Variants in BAZ2A observed in about 807,000 individuals in gnomAD.
BAZ2A encodes the protein bromodomain adjacent to zinc finger domain protein 2A.
BAZ2A carries 34 observed loss-of-function variants against 199.9 expected under a neutral mutation model. The ratio of observed to expected loss-of-function variants is 0.17; its 90% CI spans 0.13 to 0.23. The LOEUF is 0.23. Ranked by LOEUF, BAZ2A falls within the 10% of genes least tolerant of loss-of-function variation. BAZ2A has a pLI of 1.00. For synonymous variants in BAZ2A, 857 were observed against 883.9 expected (o/e 0.97, Z 0.54); for missense variants, 2,002 against 2,391.1 (o/e 0.84, Z 3.39).
intron 3 of BAZ2A, 37 bp from the exon 4 acceptor site, chr12:56,614,175 G>C (rs771846625): frequency 2.5e-6 from 4 of 1,594,288 alleles, no homozygotes; most frequent in Non-Finnish European, 2.6e-6. Flanking sequence ...GTCAAAATCA[G>C]TGCCTTATAT....
In BAZ2A at chr12:56,606,010, C is replaced by A; in HGVS notation, c.2313G>T (p.Lys771Asn). 1.3e-6 allele frequency: 2 copies of A among 1,552,024 alleles called. No homozygotes were observed. The highest frequency in any genetic ancestry group is 1.7e-6 in the Non-Finnish European group (2 of 1,147,092). Residue 771 changes from lysine (K) to asparagine (N), a missense_variant, in exon 13 of 29, where the codon AAG becomes AAT. Physicochemically the swap from Lys to Asn is moderately conservative, Grantham distance 94. Coordinates refer to ENST00000549884, the MANE Select transcript of BAZ2A (RefSeq NM_001300905.2). ...TKQEKLKEKV[K>N]REKKEKVKMK... ...TTTTTACCTTCTCCTTCTTTTCCCT[C>A]TTGACTTTTTCCTTCAGTTTTTCCT...
At chr12:56,617,600 T>C in intron 1 of BAZ2A, 68 bp from the exon 2 acceptor site, 1 of 1,494,420 alleles carries the variant, frequency 6.7e-7, no homozygotes, top group Non-Finnish European at 9.0e-7. Context: ...CCTGGAATCT[T>C]CCAGGGGCAA....
intron 2 of BAZ2A, 91 bp downstream of exon 2, chr12:56,617,304 G>T: frequency 7.8e-7 from 1 of 1,284,392 alleles, no homozygotes; most frequent in Non-Finnish European, 1.0e-6. Flanking sequence ...TTTCTCTCCA[G>T]CAGCAAAGTA....
chr12:56,613,968 T>C lies in BAZ2A; in HGVS notation c.901A>G (p.Asn301Asp). The change falls in exon 4 of 29, where the codon AAC becomes GAC. Residue 301 changes from asparagine (N) to aspartate (D), a missense_variant. Physicochemically the swap from Asn to Asp is conservative, Grantham distance 23. Coordinates refer to ENST00000549884, the MANE Select transcript of BAZ2A (RefSeq NM_001300905.2). ...ILSEDSLEPFNSLAPEPVSGG... is the reference protein window; with the variant it reads ...ILSEDSLEPFDSLAPEPVSGG... ...CCAAACCTACCTGGTGCCAGAGAGT[T>C]GAAGGGCTCCAGAGAGTCTTCACTG... 6.2e-7 allele frequency: 1 copy of C among 1,613,852 alleles called. No individual in the cohort carries two copies. The highest frequency in any genetic ancestry group is 8.5e-7 in the Non-Finnish European group (1 of 1,179,766).
intron 28 of BAZ2A, 23 bp from the exon 29 acceptor site, chr12:56,598,806 T>C (rs1291431549): frequency 6.2e-7 from 1 of 1,610,312 alleles, no homozygotes; most frequent in Non-Finnish European, 8.5e-7. Context: ...GGGGCAAAAC[T>C]GTGAGCTGGG....
At chr12:56,613,830 A>G (rs1290492905) in intron 4 of BAZ2A, 123 bp downstream of exon 4, 1 of 1,051,146 alleles carries the variant, frequency 9.5e-7, no homozygotes, top group African/African-American at 1.6e-5. Context: ...GGTCTGCCTT[A>G]GGCCTACCTG....
At chr12:56,635,022 C>T (rs1951414450), upstream of BAZ2A, 8 of 984,112 alleles carry the variant, frequency 8.1e-6, no homozygotes, top group Non-Finnish European at 9.6e-6. This position sits in a 1 kb window ranked among gnomAD's most constrained non-coding sequence, Gnocchi z 4.1. Context: ...GGCTGCGCCT[C>T]CTCCCCCAGC....
In BAZ2A at chr12:56,597,090, G is replaced by T. The variant is rs903258493; in HGVS notation, c.*1528C>A. 2 of 152,680 alleles carry T rather than the reference G, an allele frequency of 1.3e-5. No homozygotes were observed. The highest frequency in any genetic ancestry group is 4.8e-5 in the African/African-American group (2 of 41,430). The allele number at this position is 152,680 out of a possible 1,614,324, so 9.5% of individuals were successfully genotyped here. On this transcript the variant is annotated 3_prime_UTR_variant, in exon 29 of 29. Coordinates refer to ENST00000549884, the MANE Select transcript of BAZ2A (RefSeq NM_001300905.2). ...GCTCTGCTGAGCAGGAAAAGCAGGGGGCCAAGTGCCCATGGCTATAGCTGG... is the reference window on the plus strand; with the variant it reads ...GCTCTGCTGAGCAGGAAAAGCAGGGTGCCAAGTGCCCATGGCTATAGCTGG...
chr12:56,620,075 G>A (rs1950864893), intron 1 of BAZ2A, among the ~76,000 whole-genome samples: 1 of 151,900 alleles, frequency 6.6e-6, no homozygotes, highest in African/African-American at 2.4e-5. Flanking sequence ...AGTCTAAATA[G>A]GGGTGTCCAA....
intron 19 of BAZ2A, 115 bp from the exon 20 acceptor site, chr12:56,602,307 T>C: frequency 1.1e-6 from 1 of 940,716 alleles, no homozygotes; most frequent in Non-Finnish European, 1.6e-6. Flanking sequence ...CCCCCTTTTT[T>C]GAGATTCCAC....
Position 56,596,269 on chromosome 12 carries a change from T to C in BAZ2A, c.*2349A>G, listed in dbSNP as rs1430583298. The C allele has an allele frequency of 6.5e-6, 1 of 152,680 alleles. No individual in the cohort carries two copies. The highest frequency in any genetic ancestry group is 2.4e-5 in the African/African-American group (1 of 41,450). 9.5% of individuals were successfully genotyped at this position (152,680 alleles called of 1,614,324 possible). On this transcript the variant is annotated 3_prime_UTR_variant, in exon 29 of 29. Transcript: ENST00000549884. ...GGGAAGCAAAAGGGCAGGGGGTGGG[T>C]TGTCTTTTTATTTTAAACCTGCTTT...
At position 56,603,611 on chromosome 12, in the gene BAZ2A, C is replaced by T. The variant is rs1565811858; in HGVS notation, c.3128G>A (p.Arg1043Gln). 4.3e-6 allele frequency: 7 copies of T among 1,613,918 alleles called. No individual in the cohort carries two copies. Among genetic ancestry groups the T allele is most frequent in the Non-Finnish European group, 5.1e-6 (6 of 1,179,918 alleles). The change falls in exon 17 of 29, where the codon CGG becomes CAG. Residue 1043 changes from arginine (R) to glutamine (Q), a missense_variant. This residue lies in a region of BAZ2A where 1,081 missense variants were observed against 1,274.7 expected (regional missense o/e 0.85). Transcript: ENST00000549884. The stretch of plus-strand genomic sequence containing the variant: ...CATGCCACTGGTCTCCTCCATGATC[C>T]GAGAACTGCGCCTCCGTCCCAGGCA... ...EECLGRRRSS[R>Q]IMEETSGMEE...
chr12:56,630,264 G>A lies in BAZ2A; in HGVS notation c.-142C>T. The A allele has an allele frequency of 1.0e-6, 1 of 983,184 alleles. No homozygotes were observed. Among genetic ancestry groups the A allele is most frequent in the Non-Finnish European group, 1.2e-6 (1 of 827,814 alleles). 60.9% of individuals were successfully genotyped at this position (983,184 alleles called of 1,614,324 possible). On this transcript the variant is annotated 5_prime_UTR_variant, in exon 1 of 29. Coordinates refer to ENST00000549884, the MANE Select transcript of BAZ2A (RefSeq NM_001300905.2). ...TCTGGGGTCCGGGGTTCGGGAAGGG[G>A]GAGGGGGACGCGGCTCAACCGCGGG...
At chr12:56,625,983 G>A (rs1451339862) in intron 1 of BAZ2A, among the ~76,000 whole-genome samples, 2 of 151,334 alleles carry the variant, frequency 1.3e-5, no homozygotes, top group African/African-American at 4.9e-5. Flanking sequence ...CATAATAACT[G>A]TTCTCTTTAA....
intron 1 of BAZ2A, among the ~76,000 whole-genome samples, chr12:56,626,488 G>A (rs934215698): frequency 1.3e-5 from 2 of 152,190 alleles, no homozygotes; most frequent in African/African-American, 4.8e-5. Context: ...TGATTCCAGA[G>A]CCGCAAGACT....
At position 56,610,200 on chromosome 12, in the gene BAZ2A, C is replaced by G. The variant is rs369013055; in HGVS notation, c.1795G>C (p.Val599Leu). ...PEVIKYLSRN[V>L]VHSVRREHFS... ...TGCTCTCGGCGGACACTGTGTACCACGTTGCGGCTCAGGTACTAAGAGGAA... is the reference window on the plus strand; with the variant it reads ...TGCTCTCGGCGGACACTGTGTACCAGGTTGCGGCTCAGGTACTAAGAGGAA... The change falls in exon 9 of 29, where the codon GTG (valine) becomes CTG (leucine). Residue 599 changes from valine to leucine, a missense_variant. By Grantham distance (32) the Val-to-Leu change is conservative (BLOSUM62 1). Coordinates refer to ENST00000549884, the MANE Select transcript of BAZ2A (RefSeq NM_001300905.2). 15 of 1,613,786 alleles carry G rather than the reference C, an allele frequency of 9.3e-6. No homozygotes were observed. In the East Asian group the frequency reaches 3.1e-4, roughly 34 times the overall value.
At chr12:56,614,238 C>A in intron 3 of BAZ2A, 100 bp from the exon 4 acceptor site, 1 of 1,238,630 alleles carries the variant, frequency 8.1e-7, no homozygotes, top group Non-Finnish European at 1.1e-6. Flanking sequence ...GATGTTCATT[C>A]ATTCAACATT....
chr12:56,617,684 GAGA>G (rs1166548694), intron 1 of BAZ2A, among the ~76,000 whole-genome samples, 152 bp from the exon 2 acceptor site: 3 of 152,166 alleles, frequency 2.0e-5, no homozygotes, highest in East Asian at 3.9e-4. Context: ...AATAAGAAAA[GAGA>G]AGGAGAAAAT....
chr12:56,600,599 G>C, intron 23 of BAZ2A, 82 bp downstream of exon 23: 36 of 1,571,372 alleles, frequency 2.3e-5, no homozygotes, highest in Non-Finnish European at 3.1e-5. Context: ...CTGTGAAGTA[G>C]GGACCCAGGG....
Sources: gnomAD v4.1 joint callset for allele counts (sites outside exome capture counted in the v4.1 genomes callset) on GRCh38, gnomAD v4.1.1 for gene constraint, gnomAD v4.1.1 regional missense constraint, Gnocchi (gnomAD v3.1) non-coding constraint, MANE v1.5 for transcripts, NCBI Gene and HGNC (gene_info 2026-07-23, HGNC 2026-07-21) for gene names.